The following ZNF546 variants were observed in gnomAD, a reference collection of about 807,000 sequenced individuals.
ZNF546 encodes the protein zinc finger protein 546.
Under a neutral mutation model 76.2 loss-of-function variants are expected in ZNF546, and 60 were observed. The ratio of observed to expected loss-of-function variants is 0.79; its 90% CI spans 0.64 to 0.98. The LOEUF (loss-of-function observed/expected upper bound fraction) is 0.98. Among genes scored for constraint, ZNF546 ranks in the 50% least tolerant of loss-of-function variants. ZNF546 has a pLI of 0.00. For missense variants in ZNF546, 936 were observed against 1,035.6 expected, an observed-to-expected ratio of 0.90 and a Z score of 1.32; for synonymous variants, 277 against 328.1, an observed-to-expected ratio of 0.84 and a Z score of 1.68.
chr19:39,998,105 C>T, intron 2 of ZNF546, 143 bp from the exon 3 acceptor site: 2 of 536,686 alleles, frequency 3.7e-6, no homozygotes, highest in Non-Finnish European at 6.7e-6. Context: ...CTTTCTGTAG[C>T]TTTCATTTGC....
In ZNF546 at chr19:40,014,193, A is replaced by G. The variant is rs756042961; in HGVS notation, c.923A>G (p.Lys308Arg). 1 of 1,613,828 alleles carries G rather than the reference A, an allele frequency of 6.2e-7. No homozygotes were observed. Among genetic ancestry groups the G allele is most frequent in the South Asian group, 1.1e-5 (1 of 91,076 alleles). ...CCCTACGAGTGTAAGGAATGTGGGAAAGCCTTTAGTCGTGTTAGAGACCTT... is the reference window on the plus strand; with the variant it reads ...CCCTACGAGTGTAAGGAATGTGGGAGAGCCTTTAGTCGTGTTAGAGACCTT... The part of the protein sequence containing the change: ...VKPYECKECG[K>R]AFSRVRDLRV... The change falls in exon 7 of 7, where the codon AAA becomes AGA. Residue 308 changes from lysine (K) to arginine (R), a missense_variant. By Grantham distance (26) the Lys-to-Arg change is conservative (BLOSUM62 2). Coordinates refer to ENST00000347077, the MANE Select transcript of ZNF546 (RefSeq NM_178544.5).
chr19:40,000,184 A>C (rs868260478), intron 3 of ZNF546, among the ~76,000 whole-genome samples: 2 of 152,348 alleles, frequency 1.3e-5, no homozygotes, highest in Non-Finnish European at 1.5e-5. Context: ...ATAATTTATC[A>C]AGTAAGATAG....
At chr19:39,999,739 C>T (rs1373394226) in intron 3 of ZNF546, 2 of 152,142 alleles carry the variant, frequency 1.3e-5, no homozygotes, top group Admixed American at 6.5e-5. Flanking sequence ...CCACGCCCAG[C>T]TAATTTTTTG....
At position 40,015,408 on chromosome 19, in the gene ZNF546, GA is replaced by G; in HGVS notation, c.2140del (p.Ile714PhefsTer56). The G allele has an allele frequency of 6.2e-7, 1 of 1,614,170 alleles. No individual in the cohort carries two copies. Among genetic ancestry groups the G allele is most frequent in the African/African-American group, 1.3e-5 (1 of 75,046 alleles). On this transcript the variant is annotated frameshift_variant, in exon 7 of 7. Coordinates refer to ENST00000347077, the MANE Select transcript of ZNF546 (RefSeq NM_178544.5). LOFTEE classifies it high-confidence loss of function. ...ICSYRLTLHQ[R>X]IHTGELPYEC... ...AGTTATCGACTTACATTACATCAAA[GA>G]ATTCACACTGGTGAGCTTCCATATG...
chr19:40,001,531 T>G (rs1317365732), intron 3 of ZNF546, among the ~76,000 whole-genome samples: 1 of 152,020 alleles, frequency 6.6e-6, no homozygotes, highest in Non-Finnish European at 1.5e-5. Context: ...CTGGCTAATT[T>G]TTGTATTTTT....
chr19:40,007,828 A>G (rs1440312242), intron 5 of ZNF546, among the ~76,000 whole-genome samples: 2 of 152,130 alleles, frequency 1.3e-5, no homozygotes, highest in Non-Finnish European at 2.9e-5. Context: ...TAGTCATTTA[A>G]AACTCAAGCC....
At position 40,014,697 on chromosome 19, in the gene ZNF546, A is replaced by G; in HGVS notation, c.1427A>G (p.Lys476Arg). 6.2e-7 allele frequency: 1 copy of G among 1,614,074 alleles called. No homozygotes were observed. The highest frequency in any genetic ancestry group is 2.2e-5 in the East Asian group (1 of 44,870). Reference protein sequence around the residue: ...EKPYECKECGKAFICGYQLTL... With the variant: ...EKPYECKECGRAFICGYQLTL... ...CCCTATGAATGTAAGGAATGTGGGAAGGCCTTTATTTGTGGTTATCAACTT... is the reference window on the plus strand; with the variant it reads ...CCCTATGAATGTAAGGAATGTGGGAGGGCCTTTATTTGTGGTTATCAACTT... Residue 476 changes from lysine (K) to arginine (R), a missense_variant, in exon 7 of 7, where the codon AAG (lysine) becomes AGG (arginine). Transcript: ENST00000347077.
In ZNF546 at chr19:40,014,130, A is replaced by C; in HGVS notation, c.860A>C (p.His287Pro). ...GGGAAGGCCTTTAGACTTCATTATC[A>C]CCTTACTGAACATCAGAGAATACAT... Reference protein sequence around the residue: ...ECGKAFRLHYHLTEHQRIHSG... With the variant: ...ECGKAFRLHYPLTEHQRIHSG... The change falls in exon 7 of 7, where the codon CAC (histidine) becomes CCC (proline). Residue 287 changes from histidine to proline, a missense_variant. Physicochemically the swap from His to Pro is moderately conservative, Grantham distance 77. Transcript: ENST00000347077. The C allele has an allele frequency of 6.2e-7, 1 of 1,614,090 alleles. No individual in the cohort carries two copies. The highest frequency in any genetic ancestry group is 1.1e-5 in the South Asian group (1 of 91,080).
chr19:40,004,064 AATATATAAATAT>A (rs1473560694), intron 3 of ZNF546, among the ~76,000 whole-genome samples: 10 of 130,364 alleles, frequency 7.7e-5, no homozygotes, highest in African/African-American at 3.8e-4. Context: ...ATTTATATAT[AATATATAAATAT>A]ATATATAACT....
chr19:40,011,219 T>C (rs879516200), intron 6 of ZNF546: 3 of 148,810 alleles, frequency 2.0e-5, no homozygotes, highest in African/African-American at 7.8e-5. Context: ...AAAAATTTTC[T>C]GTTTTCTTCT....
chr19:40,015,916 TAA>T lies in ZNF546; in HGVS notation c.*137_*138del. 3.6e-6 allele frequency: 3 copies of T among 828,462 alleles called. No individual in the cohort carries two copies. Among genetic ancestry groups the T allele is most frequent in the Non-Finnish European group, 3.9e-6 (2 of 514,414 alleles). The allele number at this position is 828,462 out of a possible 1,614,324, so 51.3% of individuals were successfully genotyped here. On this transcript the variant is annotated 3_prime_UTR_variant, in exon 7 of 7. Transcript: ENST00000347077. ...ATTTATCAGAAATTATTTCGTATGTTAAAGAGTCGAAAGACTATAGCATCACT... is the reference window on the plus strand; with the variant it reads ...ATTTATCAGAAATTATTTCGTATGTTAGAGTCGAAAGACTATAGCATCACT...
chr19:39,998,959 G>A (rs1332124852), intron 3 of ZNF546, among the ~76,000 whole-genome samples: 2 of 152,086 alleles, frequency 1.3e-5, no homozygotes, highest in South Asian at 4.2e-4. Flanking sequence ...TTTTAGTCGA[G>A]ACAGGGTTTC....
chr19:39,998,447 C>T, intron 3 of ZNF546, 37 bp downstream of exon 3: 1 of 1,556,610 alleles, frequency 6.4e-7, no homozygotes, highest in Non-Finnish European at 8.9e-7. Context: ...AAAGTTAAAA[C>T]TTTGTTTTAT....
At chr19:40,012,422 C>A (rs1971683919) in intron 6 of ZNF546, among the ~76,000 whole-genome samples, 1 of 152,106 alleles carries the variant, frequency 6.6e-6, no homozygotes, top group African/African-American at 2.4e-5. Context: ...GAGATATATT[C>A]ATAACTATGT....
chr19:40,014,357 G>A lies in ZNF546; in HGVS notation c.1087G>A (p.Gly363Ser). Residue 363 changes from glycine (G) to serine (S), a missense_variant, in exon 7 of 7, where the codon GGC (glycine) becomes AGC (serine). By Grantham distance (56) the Gly-to-Ser change is moderately conservative. Transcript: ENST00000347077. ...GERPYECKVC[G>S]KTFRVQRHIS... is the part of the protein sequence containing the mutation. ...GAGGCCTTATGAATGTAAGGTTTGT[G>A]GCAAGACCTTTAGGGTACAACGACA... 9 of 1,613,944 alleles carry A rather than the reference G, an allele frequency of 5.6e-6. No homozygotes were observed. The highest frequency in any genetic ancestry group is 7.6e-6 in the Non-Finnish European group (9 of 1,179,996).
Position 39,999,545 on chromosome 19 carries a change from A to T in ZNF546, c.84+1135A>T, listed in dbSNP as rs551560539. The T allele has an allele frequency of 1.3e-5, 2 of 152,088 alleles. 1 individual carries two copies. Among genetic ancestry groups the T allele is most frequent in the African/African-American group, 4.8e-5 (2 of 41,452 alleles). 9.4% of individuals were successfully genotyped at this position (152,088 alleles called of 1,614,324 possible). A position where few individuals can be genotyped will look rare whatever the true frequency, so the allele number is the denominator to read the frequency against. ...AGAAAGTTAAAATAGCCCCAGCATC[A>T]CTATTAACACTTTGGGGAGCTATAT... On this transcript the variant is annotated intron_variant, in intron 3 of 6. Transcript: ENST00000347077.
rs1001441617 is a variant in ZNF546 at position 40,016,389 on chromosome 19, G to A, written c.*608G>A. 3 of 152,980 alleles carry A rather than the reference G, an allele frequency of 2.0e-5. No individual in the cohort carries two copies. Among genetic ancestry groups the A allele is most frequent in the Non-Finnish European group, 4.4e-5 (3 of 68,712 alleles). The allele number at this position is 152,980 out of a possible 1,614,324, so 9.5% of individuals were successfully genotyped here. The stretch of plus-strand genomic sequence containing the variant: ...ACACAAATTAGCTAGGCATTGTGGG[G>A]GGTGCCTGTAATCCCAGCTACTCAG... On this transcript the variant is annotated 3_prime_UTR_variant, in exon 7 of 7. Coordinates refer to ENST00000347077, the MANE Select transcript of ZNF546 (RefSeq NM_178544.5).
At chr19:39,998,446 A>C (rs1388868199) in intron 3 of ZNF546, 36 bp downstream of exon 3, 1 of 1,557,832 alleles carries the variant, frequency 6.4e-7, no homozygotes, top group Admixed American at 1.7e-5. Context: ...TAAAGTTAAA[A>C]CTTTGTTTTA....
In ZNF546 at chr19:40,015,511, A is replaced by C; in HGVS notation, c.2241A>C (p.Lys747Asn). Reference sequence around the variant, plus strand: ...ATTTTAGACTTCATACTGGTGAGAAACCTTATAGCTGTAAAGAATGTGGGA... The same window carrying C: ...ATTTTAGACTTCATACTGGTGAGAACCCTTATAGCTGTAAAGAATGTGGGA... ...TQHFRLHTGEKPYSCKECGNA... is the reference protein window; with the variant it reads ...TQHFRLHTGENPYSCKECGNA... Residue 747 changes from lysine (K) to asparagine (N), a missense_variant, in exon 7 of 7, where the codon AAA (lysine) becomes AAC (asparagine). Coordinates refer to ENST00000347077, the MANE Select transcript of ZNF546 (RefSeq NM_178544.5). 6.2e-7 allele frequency: 1 copy of C among 1,614,138 alleles called. No homozygotes were observed. The highest frequency in any genetic ancestry group is 8.5e-7 in the Non-Finnish European group (1 of 1,180,030).
Sources: gnomAD v4.1 joint callset for allele counts (sites outside exome capture counted in the v4.1 genomes callset) on GRCh38, gnomAD v4.1.1 for gene constraint, MANE v1.5 for transcripts, NCBI Gene and HGNC (gene_info 2026-07-23, HGNC 2026-07-21) for gene names.